Variants in ZNF469 observed in about 807,000 individuals in gnomAD.
ZNF469 encodes zinc finger protein 469.
A neutral mutation model predicts 1.0 loss-of-function variants in ZNF469; 1 was observed. That is an observed-to-expected ratio of 1.00 (90% CI 0.35 to 4.73). The LOEUF (loss-of-function observed/expected upper bound fraction) is 4.73, where lower values mean the gene tolerates loss of function less well. Ranked by LOEUF, ZNF469 falls within the 30% of genes most tolerant of loss-of-function variation. The pLI, the probability that ZNF469 is intolerant of heterozygous loss-of-function variation, is 0.16. For synonymous variants in ZNF469, 2,703 were observed against 2,363.4 expected, an observed-to-expected ratio of 1.14 and a Z score of -4.17; for missense variants, 6,100 against 5,356.3, an observed-to-expected ratio of 1.14 and a Z score of -4.33.
At chr16:88,319,786 G>A in the ZNF469 span, among the ~76,000 whole-genome samples, 4 of 152,128 alleles carry the variant, frequency 2.6e-5, no homozygotes, top group African/African-American at 4.8e-5. Flanking sequence ...GCCCAGCTTC[G>A]CAGCTAGAGG....
At chr16:88,184,329 G>A in the ZNF469 span, among the ~76,000 whole-genome samples, 1 of 152,270 alleles carries the variant, frequency 6.6e-6, no homozygotes, top group Non-Finnish European at 1.5e-5. Context: ...GCACAGCAGT[G>A]CAGCCCCTGC....
the ZNF469 span, among the ~76,000 whole-genome samples, chr16:88,108,155 G>A: frequency 1.4e-5 from 2 of 147,578 alleles, no homozygotes; most frequent in Admixed American, 1.3e-4. Context: ...GGGGATGGGG[G>A]TCCACGTCTG....
the ZNF469 span, among the ~76,000 whole-genome samples, chr16:88,321,803 T>G: frequency 6.6e-6 from 1 of 152,250 alleles, no homozygotes; most frequent in Non-Finnish European, 1.5e-5. Context: ...AGGCCTCACC[T>G]GATTAGATGC....
At chr16:88,280,188 T>C in the ZNF469 span, among the ~76,000 whole-genome samples, 3 of 146,984 alleles carry the variant, frequency 2.0e-5, no homozygotes, top group African/African-American at 7.7e-5. Flanking sequence ...CGCTGACGCT[T>C]GGTCAGTACT....
the ZNF469 span, among the ~76,000 whole-genome samples, chr16:88,356,416 G>C: frequency 6.6e-6 from 1 of 152,168 alleles, no homozygotes; most frequent in Non-Finnish European, 1.5e-5. Flanking sequence ...CCCTGGGGAG[G>C]CCTGTGTTTT....
chr16:88,185,156 C>G, the ZNF469 span, among the ~76,000 whole-genome samples: 48 of 59,138 alleles, frequency 8.1e-4, no homozygotes, highest in Admixed American at 4.0e-3. Context: ...CACTCACACT[C>G]ACAGGCACAC....
At chr16:88,376,474 T>C in the ZNF469 span, among the ~76,000 whole-genome samples, 1 of 152,148 alleles carries the variant, frequency 6.6e-6, no homozygotes, top group Non-Finnish European at 1.5e-5. Flanking sequence ...TGCCATTCCT[T>C]GGGCCCAGCC....
the ZNF469 span, among the ~76,000 whole-genome samples, chr16:88,108,601 G>T: frequency 6.6e-6 from 1 of 152,218 alleles, no homozygotes; most frequent in African/African-American, 2.4e-5. Context: ...TTTCCCCAGA[G>T]AACTCTCGGC....
At chr16:88,338,216 C>T in the ZNF469 span, among the ~76,000 whole-genome samples, 9 of 152,340 alleles carry the variant, frequency 5.9e-5, no homozygotes, top group Admixed American at 3.3e-4. Flanking sequence ...GGGAGAGACC[C>T]TCTGGCTCCC....
the ZNF469 span, among the ~76,000 whole-genome samples, chr16:88,106,847 C>T: frequency 6.6e-6 from 1 of 152,270 alleles, no homozygotes; most frequent in African/African-American, 2.4e-5. Flanking sequence ...AGCCATCGCC[C>T]CCAGGCGGGA....
chr16:88,365,229 C>A, the ZNF469 span, among the ~76,000 whole-genome samples: 1 of 152,190 alleles, frequency 6.6e-6, no homozygotes, highest in Admixed American at 6.5e-5. Context: ...GGCCTGTGTG[C>A]CAGATATTAG....
At chr16:88,277,202 A>G in the ZNF469 span, among the ~76,000 whole-genome samples, 1 of 149,880 alleles carries the variant, frequency 6.7e-6, no homozygotes, top group Non-Finnish European at 1.5e-5. Flanking sequence ...CCGTGTAGAT[A>G]TCAGTGCACG....
chr16:88,129,206 C>T, the ZNF469 span, among the ~76,000 whole-genome samples: 2 of 152,246 alleles, frequency 1.3e-5, no homozygotes, highest in African/African-American at 2.4e-5. Flanking sequence ...CCTGCCACAG[C>T]GTCATGCCAG....
the ZNF469 span, among the ~76,000 whole-genome samples, chr16:88,185,719 T>A: frequency 7.4e-6 from 1 of 134,390 alleles, no homozygotes; most frequent in Admixed American, 7.6e-5. Flanking sequence ...GTGAATATAG[T>A]ACATGCATAC....
the ZNF469 span, among the ~76,000 whole-genome samples, chr16:88,376,689 G>A: frequency 6.6e-6 from 1 of 152,246 alleles, no homozygotes; most frequent in Non-Finnish European, 1.5e-5. Context: ...AGCTGCCCAC[G>A]GCCCCAGCAC....
At chr16:88,113,830 C>T in the ZNF469 span, among the ~76,000 whole-genome samples, 4 of 152,200 alleles carry the variant, frequency 2.6e-5, no homozygotes, top group Non-Finnish European at 4.4e-5. Context: ...ACACATGCAG[C>T]CTCTTGCTTT....
chr16:88,111,677 A>AC, the ZNF469 span, among the ~76,000 whole-genome samples: 1 of 152,030 alleles, frequency 6.6e-6, no homozygotes, highest in Non-Finnish European at 1.5e-5. Context: ...TCGCTCTGTC[A>AC]CCAGGCTGGA....
chr16:88,226,922 C>G, the ZNF469 span, among the ~76,000 whole-genome samples: 1 of 152,158 alleles, frequency 6.6e-6, no homozygotes, highest in Admixed American at 6.5e-5. Context: ...CTGTGTTCCA[C>G]CCGGGAAGGA....
the ZNF469 span, among the ~76,000 whole-genome samples, chr16:88,360,822 A>C: frequency 2.0e-5 from 3 of 152,144 alleles, no homozygotes; most frequent in Non-Finnish European, 2.9e-5. Flanking sequence ...TCTCAAAGGC[A>C]GTCCACCCCT....
Sources: gnomAD v4.1 joint callset for allele counts (sites outside exome capture counted in the v4.1 genomes callset) on GRCh38, gnomAD v4.1.1 for gene constraint, MANE v1.5 for transcripts, NCBI Gene and HGNC (gene_info 2026-07-23, HGNC 2026-07-21) for gene names.